Variants in CYP2C19 observed in about 807,000 individuals in gnomAD.
CYP2C19 encodes the protein cytochrome P450 2C19.
A neutral mutation model predicts 40.9 loss-of-function variants in CYP2C19; 59 were observed. That is an observed-to-expected ratio of 1.44 (90% CI 1.17 to 1.79). The LOEUF is 1.79. CYP2C19 is among the 40% of genes most tolerant of loss of function. The pLI is 0.00. For synonymous variants in CYP2C19, 253 were observed against 208.7 expected, an observed-to-expected ratio of 1.21 and a Z score of -1.83; for missense variants, 754 against 596.9, an observed-to-expected ratio of 1.26 and a Z score of -2.74.
chr10:94,827,374 T>C (rs1849245273), intron 6 of CYP2C19, among the ~76,000 whole-genome samples: 1 of 151,986 alleles, frequency 6.6e-6, no homozygotes, highest in Non-Finnish European at 1.5e-5. Flanking sequence ...TTCAACTTCT[T>C]CCTGGTTTAG....
At position 94,777,748 on chromosome 10, in the gene CYP2C19, A is replaced by G. The variant is rs181069236; in HGVS notation, c.481+2209A>G. 4.1e-4 allele frequency among the ~76,000 whole-genome samples: 63 copies of G among 152,264 alleles called. 1 individual carries two copies. The highest frequency in any genetic ancestry group is 1.9e-3 in the South Asian group (9 of 4,820). Reference sequence around the variant, plus strand: ...ATTCAGGACATAAGCATGGGCAAAGACTTCATGACTAAAACACCAAAAGCA... The same window carrying G: ...ATTCAGGACATAAGCATGGGCAAAGGCTTCATGACTAAAACACCAAAAGCA... On this transcript the variant is annotated intron_variant, in intron 3 of 8. Coordinates refer to ENST00000371321, the MANE Select transcript of CYP2C19 (RefSeq NM_000769.4).
chr10:94,771,150 G>A (rs975939136), intron 1 of CYP2C19, among the ~76,000 whole-genome samples: 1 of 152,102 alleles, frequency 6.6e-6, no homozygotes, highest in Non-Finnish European at 1.5e-5. Flanking sequence ...AGAGGGAGAA[G>A]CGGCCATGTA....
intron 5 of CYP2C19, among the ~76,000 whole-genome samples, chr10:94,810,930 G>C (rs2134260000): frequency 6.6e-6 from 1 of 152,208 alleles, no homozygotes; most frequent in South Asian, 2.1e-4. Context: ...TGCTAGGTTT[G>C]AATTTGTTTG....
At chr10:94,834,502 C>A (rs1849372206) in intron 6 of CYP2C19, among the ~76,000 whole-genome samples, 1 of 150,858 alleles carries the variant, frequency 6.6e-6, no homozygotes. Context: ...TTTATTTCTG[C>A]TCTGATCTTT....
chr10:94,836,408 T>A (rs10882498), intron 6 of CYP2C19, among the ~76,000 whole-genome samples: 72,909 of 151,964 alleles, frequency 0.48, 18,349 homozygotes, highest in African/African-American at 0.62. Flanking sequence ...TTTTTCTGTG[T>A]TATATAAAGA....
At chr10:94,845,530 A>G (rs1849560599) in intron 7 of CYP2C19, among the ~76,000 whole-genome samples, 1 of 152,192 alleles carries the variant, frequency 6.6e-6, no homozygotes, top group Admixed American at 6.5e-5. Context: ...TTTGTGTCCT[A>G]TTTAAAGAAT....
intron 8 of CYP2C19, among the ~76,000 whole-genome samples, chr10:94,850,930 G>A (rs1194854706): frequency 3.3e-5 from 5 of 152,194 alleles, no homozygotes; most frequent in Admixed American, 3.3e-4. Context: ...AAATGTGTGT[G>A]CTGAGCATCT....
intron 7 of CYP2C19, among the ~76,000 whole-genome samples, chr10:94,845,187 G>C (rs1322695801): frequency 6.6e-6 from 1 of 152,174 alleles, no homozygotes; most frequent in Non-Finnish European, 1.5e-5. Context: ...TTGGCAAACT[G>C]TTCCTGTAAT....
At position 94,854,447 on chromosome 10, in the gene CYP2C19, T is replaced by C. The variant is rs897827803; in HGVS notation, c.*1533T>C. On this transcript the variant is annotated 3_prime_UTR_variant, in exon 9 of 9. Coordinates refer to ENST00000371321, the MANE Select transcript of CYP2C19 (RefSeq NM_000769.4). Reference sequence around the variant, plus strand: ...CTAATATAATTAGCCTCATGTCATCTCCAAAGCATAGACAACTAAGTATCT... The same window carrying C: ...CTAATATAATTAGCCTCATGTCATCCCCAAAGCATAGACAACTAAGTATCT... 4.6e-5 allele frequency among the ~76,000 whole-genome samples: 7 copies of C among 152,084 alleles called. No homozygotes were observed. The highest frequency in any genetic ancestry group is 8.8e-5 in the Non-Finnish European group (6 of 68,022).
At position 94,775,488 on chromosome 10, in the gene CYP2C19, C is replaced by A. The variant is rs368767518; in HGVS notation, c.430C>A (p.Arg144Ser). 1.2e-6 allele frequency: 2 copies of A among 1,613,950 alleles called. No homozygotes were observed. The highest frequency in any genetic ancestry group is 1.7e-6 in the Non-Finnish European group (2 of 1,179,946). Reference protein sequence around the residue: ...FGMGKRSIEDRVQEEARCLVE... With the variant: ...FGMGKRSIEDSVQEEARCLVE... ...GATGGGGAAGAGGAGCATTGAGGAC[C>A]GTGTTCAAGAGGAAGCCCGCTGCCT... Residue 144 changes from arginine to serine, a missense_variant, in exon 3 of 9, where the codon CGT becomes AGT. Transcript: ENST00000371321.
chr10:94,790,029 G>C (rs540955409), intron 5 of CYP2C19, among the ~76,000 whole-genome samples: 1 of 152,188 alleles, frequency 6.6e-6, no homozygotes, highest in African/African-American at 2.4e-5. Context: ...TTGAGCAGTG[G>C]TTTGTAGTTC....
intron 7 of CYP2C19, among the ~76,000 whole-genome samples, chr10:94,843,534 T>TA (rs1249039842): frequency 6.6e-6 from 1 of 152,230 alleles, no homozygotes; most frequent in Non-Finnish European, 1.5e-5. Flanking sequence ...GTTGTTGTTA[T>TA]AAACTTACAA....
At chr10:94,827,235 T>C (rs1471313393) in intron 6 of CYP2C19, among the ~76,000 whole-genome samples, 1 of 152,044 alleles carries the variant, frequency 6.6e-6, no homozygotes, top group Non-Finnish European at 1.5e-5. Context: ...TTAGAAGGAA[T>C]GGTACCAGTT....
intron 6 of CYP2C19, among the ~76,000 whole-genome samples, chr10:94,831,943 T>G (rs542845517): frequency 1.3e-5 from 2 of 152,344 alleles, no homozygotes; most frequent in African/African-American, 4.8e-5. Context: ...TTTGAATGCC[T>G]GTGCTTGTGG....
In CYP2C19 at chr10:94,839,944, T is replaced by C. The variant is rs139662859; in HGVS notation, c.962-2893T>C. ...ACCTTTTTCTAACCTTATAGCCCCA[T>C]ACGTTAAGATTTTTGAGTTAGTGAG... On this transcript the variant is annotated intron_variant, in intron 6 of 8. Transcript: ENST00000371321. Among the ~76,000 whole-genome samples, 50 of 152,348 alleles carry C rather than the reference T, an allele frequency of 3.3e-4. No individual in the cohort carries two copies. The East Asian group carries it at 4.8e-3, about 15-fold the overall frequency.
chr10:94,811,598 G>A (rs2134260542), intron 5 of CYP2C19, among the ~76,000 whole-genome samples: 1 of 152,170 alleles, frequency 6.6e-6, no homozygotes, highest in African/African-American at 2.4e-5. Context: ...AGGATAGTTA[G>A]CTCTTCTCGT....
chr10:94,773,009 C>A (rs1319164156), intron 1 of CYP2C19, among the ~76,000 whole-genome samples: 1 of 152,024 alleles, frequency 6.6e-6, no homozygotes, highest in Non-Finnish European at 1.5e-5. Context: ...TCTCGATCTG[C>A]TGACCTCATG....
intron 7 of CYP2C19, among the ~76,000 whole-genome samples, chr10:94,845,670 T>C (rs1849563054): frequency 1.3e-5 from 2 of 152,180 alleles, no homozygotes; most frequent in African/African-American, 4.8e-5. Context: ...ATAATGGTCG[T>C]GCTTCAATGT....
intron 5 of CYP2C19, among the ~76,000 whole-genome samples, chr10:94,801,938 G>A (rs564098135): frequency 6.6e-6 from 1 of 152,332 alleles, no homozygotes; most frequent in South Asian, 2.1e-4. Flanking sequence ...CCAAAAAAGT[G>A]AGTAGCAGCA....
Sources: allele counts gnomAD v4.1 joint callset (sites outside exome capture counted in the v4.1 genomes callset), GRCh38; gene constraint gnomAD v4.1.1; transcripts MANE v1.5; gene names NCBI Gene and HGNC (gene_info 2026-07-23, HGNC 2026-07-21).